TENM3: variants seen among roughly 807,000 people sequenced by gnomAD.
TENM3 encodes the protein teneurin-3.
A neutral mutation model predicts 255.1 loss-of-function variants in TENM3; 63 were observed. That is an observed-to-expected ratio of 0.25 (90% confidence interval 0.20 to 0.30). TENM3 has a LOEUF of 0.30. Among genes scored for constraint, TENM3 ranks in the 10% least tolerant of loss-of-function variants. The probability of loss-of-function intolerance (pLI) is 1.00; values close to 1 mark genes in which losing one functional copy is unlikely to be tolerated. For missense variants in TENM3, 2,929 were observed against 3,461.1 expected (o/e 0.85, Z 3.86); for synonymous variants, 1,306 against 1,322.3 (o/e 0.99, Z 0.27).
chr4:182,086,475 A>T, the TENM3 span, among the ~76,000 whole-genome samples: 1 of 152,214 alleles, frequency 6.6e-6, no homozygotes, highest in Non-Finnish European at 1.5e-5. Flanking sequence ...CAGACACTTT[A>T]ATATTAGATG....
chr4:182,595,602 G>A (rs1374616057), intron 3 of TENM3, among the ~76,000 whole-genome samples: 2 of 152,118 alleles, frequency 1.3e-5, no homozygotes, highest in African/African-American at 4.8e-5. Flanking sequence ...GGCTTTCATT[G>A]AAGTTATATG....
chr4:181,781,666 G>T, the TENM3 span, among the ~76,000 whole-genome samples: 1 of 152,310 alleles, frequency 6.6e-6, no homozygotes, highest in South Asian at 2.1e-4. Context: ...TTGAATAGGA[G>T]TGGTGAGAGA....
chr4:181,887,764 G>A, the TENM3 span, among the ~76,000 whole-genome samples: 3 of 152,162 alleles, frequency 2.0e-5, no homozygotes, highest in Non-Finnish European at 4.4e-5. Flanking sequence ...ACGAGATGCA[G>A]CTTCAAAATG....
At chr4:181,802,130 G>A in the TENM3 span, among the ~76,000 whole-genome samples, 10 of 152,186 alleles carry the variant, frequency 6.6e-5, 1 homozygote, top group Non-Finnish European at 1.0e-4. Context: ...TTCATTGATC[G>A]CAGTTTAACA....
intron 7 of TENM3, 93 bp downstream of exon 7, chr4:182,673,312 G>A (rs1755382712): frequency 1.2e-6 from 1 of 855,788 alleles, no homozygotes. Context: ...TTGGTTAACT[G>A]TTTGACGACT....
intron 3 of TENM3, among the ~76,000 whole-genome samples, chr4:182,584,651 T>C (rs1481384466): frequency 6.6e-6 from 1 of 152,156 alleles, no homozygotes; most frequent in Non-Finnish European, 1.5e-5. Flanking sequence ...CCTTTTTTTC[T>C]TTTTTTGAGA....
chr4:181,659,331 G>A, the TENM3 span, among the ~76,000 whole-genome samples: 6 of 152,128 alleles, frequency 3.9e-5, no homozygotes, highest in South Asian at 2.1e-4. Context: ...TACTTTGACC[G>A]CTTTACTTTC....
chr4:182,137,147 C>A, the TENM3 span, among the ~76,000 whole-genome samples: 1 of 152,174 alleles, frequency 6.6e-6, no homozygotes, highest in Non-Finnish European at 1.5e-5. Flanking sequence ...ACAACTTACA[C>A]TTTTGTCACT....
chr4:181,955,119 A>G, the TENM3 span, among the ~76,000 whole-genome samples: 2 of 152,204 alleles, frequency 1.3e-5, no homozygotes, highest in South Asian at 4.1e-4. Context: ...ATTAACTGAG[A>G]AATTTATCTC....
chr4:182,282,898 A>G (rs189615611), intron 1 of TENM3, among the ~76,000 whole-genome samples: 2 of 149,380 alleles, frequency 1.3e-5, no homozygotes, highest in Non-Finnish European at 3.0e-5. Context: ...ATTTCAGAAA[A>G]AAAAAAAAAA....
the TENM3 span, among the ~76,000 whole-genome samples, chr4:182,128,608 T>C: frequency 6.6e-6 from 1 of 152,224 alleles, no homozygotes; most frequent in African/African-American, 2.4e-5. Flanking sequence ...CTTATTAACT[T>C]ACTGTTCTTT....
chr4:181,844,305 G>A, the TENM3 span, among the ~76,000 whole-genome samples: 1 of 152,098 alleles, frequency 6.6e-6, no homozygotes, highest in Non-Finnish European at 1.5e-5. Context: ...ATGGAAATAC[G>A]CTGTGGGAGA....
chr4:182,129,668 T>A, the TENM3 span, among the ~76,000 whole-genome samples: 1 of 152,288 alleles, frequency 6.6e-6, no homozygotes, highest in East Asian at 1.9e-4. Context: ...AAATCAGCCT[T>A]TTGGCAATTG....
At chr4:181,721,108 T>G in the TENM3 span, among the ~76,000 whole-genome samples, 1 of 132,516 alleles carries the variant, frequency 7.5e-6, no homozygotes, top group Non-Finnish European at 1.6e-5. Flanking sequence ...ATACCAAGGG[T>G]AAAAAAAAAA....
the TENM3 span, among the ~76,000 whole-genome samples, chr4:181,912,535 C>A: frequency 6.6e-6 from 1 of 151,986 alleles, no homozygotes. Flanking sequence ...TGCTTGTAAT[C>A]CCAACACTTT....
At chr4:182,176,821 A>AATTTTTTTTTTTTTTTTTTT (rs1561169609) in intron 1 of TENM3, among the ~76,000 whole-genome samples, 2 of 113,358 alleles carry the variant, frequency 1.8e-5, no homozygotes. Context: ...CATCCGGCTA[A>AATTTTTTTTTTTTTTTTTTT]TTTTTTTTTT....
At chr4:181,893,475 C>T in the TENM3 span, among the ~76,000 whole-genome samples, 1 of 78,428 alleles carries the variant, frequency 1.3e-5, no homozygotes, top group African/African-American at 3.8e-5. Context: ...ATCTCTACTT[C>T]CACTTTCCCC....
the TENM3 span, among the ~76,000 whole-genome samples, chr4:181,996,527 A>G: frequency 1.3e-5 from 2 of 152,238 alleles, no homozygotes; most frequent in Non-Finnish European, 2.9e-5. Flanking sequence ...AGAGAGAACC[A>G]GGAACCAGGG....
intron 3 of TENM3, among the ~76,000 whole-genome samples, chr4:182,446,438 A>C (rs1225973656): frequency 2.0e-4 from 31 of 152,232 alleles, no homozygotes; most frequent in Admixed American, 2.0e-3. Flanking sequence ...AGGTCAGAGG[A>C]TCAGTCTTCT....
Sources: allele counts gnomAD v4.1 joint callset (sites outside exome capture counted in the v4.1 genomes callset), GRCh38; gene constraint gnomAD v4.1.1; transcripts MANE v1.5; gene names NCBI Gene and HGNC (gene_info 2026-07-23, HGNC 2026-07-21).